PHACTR2: variants seen among roughly 807,000 people sequenced by gnomAD.
The protein encoded by PHACTR2 is phosphatase and actin regulator 2.
Under a neutral mutation model 76.0 loss-of-function variants are expected in PHACTR2, and 30 were observed. The ratio of observed to expected loss-of-function variants is 0.39; its 90% CI spans 0.30 to 0.54. The LOEUF (loss-of-function observed/expected upper bound fraction) is 0.54. Ranked by LOEUF, PHACTR2 falls within the 20% of genes least tolerant of loss-of-function variation. PHACTR2 has a pLI of 0.61. For missense variants in PHACTR2, 696 were observed against 781.1 expected, an observed-to-expected ratio of 0.89 and a Z score of 1.30; for synonymous variants, 292 against 292.5, an observed-to-expected ratio of 1.00 and a Z score of 0.02.
At chr6:143,563,400 G>A (rs9496669) in intron 1 of PHACTR2, among the ~76,000 whole-genome samples, 1 of 60,314 alleles carries the variant, frequency 1.7e-5, no homozygotes, top group Non-Finnish European at 4.4e-5. Context: ...GCATCTCTAC[G>A]AAAAATTAAG....
intron 11 of PHACTR2, among the ~76,000 whole-genome samples, chr6:143,798,919 T>C (rs1022577181): frequency 6.6e-6 from 1 of 152,166 alleles, no homozygotes; most frequent in East Asian, 1.9e-4. Flanking sequence ...TTAGGGAGGA[T>C]TCCCTCTTTT....
intron 2 of PHACTR2, among the ~76,000 whole-genome samples, chr6:143,726,443 C>T (rs185796069): frequency 6.6e-6 from 1 of 152,244 alleles, no homozygotes; most frequent in Non-Finnish European, 1.5e-5. Flanking sequence ...TTTTTGCCCC[C>T]CCAGTAACCC....
rs540359449 is a variant in PHACTR2 at position 143,720,970 on chromosome 6, T to C, written c.214+8787T>C. ...ATGGCTCCTAACAAATTATGGAACT[T>C]CATTCTATACAATTTTACCAGAAGA... On this transcript the variant is annotated intron_variant, in intron 2 of 12. Transcript: ENST00000440869. Among the ~76,000 whole-genome samples, 3 of 152,318 alleles carry C rather than the reference T, an allele frequency of 2.0e-5. No homozygotes were observed. The South Asian group carries it at 6.2e-4, about 32-fold the overall frequency.
chr6:143,603,257 T>C (rs138482381), upstream of PHACTR2, among the ~76,000 whole-genome samples: 575 of 152,154 alleles, frequency 3.8e-3, no homozygotes, highest in African/African-American at 0.014. Flanking sequence ...ATGACACTTG[T>C]TCAAGCACGG....
rs966390548 is a variant in PHACTR2 at position 143,611,169 on chromosome 6, T to C, written c.13+2847T>C. 1.3e-5 allele frequency among the ~76,000 whole-genome samples: 2 copies of C among 150,978 alleles called. No individual in the cohort carries two copies. The highest frequency in any genetic ancestry group is 2.9e-5 in the Non-Finnish European group (2 of 67,876). ...GCAGAGTACTGTTAAAAAAAAAAAG[T>C]TCTGCAGAATTTATTGTGTTGGGTT... On this transcript the variant is annotated intron_variant, in intron 1 of 11. Coordinates refer to the PHACTR2 transcript ENST00000305766. This position sits in a 1 kb window ranked among gnomAD's most constrained non-coding sequence, Gnocchi z 4.4.
At position 143,755,374 on chromosome 6, in the gene PHACTR2, C is replaced by T. The variant is rs563651778; in HGVS notation, c.454+1462C>T. 37 of 456,014 alleles carry T rather than the reference C, an allele frequency of 8.1e-5. No individual in the cohort carries two copies. The Admixed American group carries it at 8.7e-4, about 11-fold the overall frequency. 28.2% of individuals were successfully genotyped at this position (456,014 alleles called of 1,614,324 possible). ...TCTCACATCCAAGAATCGCATCCTG[C>T]ATTACGTAACAGTGCCATCTCTGGT... On this transcript the variant is annotated intron_variant, in intron 4 of 12. Transcript: ENST00000440869. The surrounding 1 kb of genome is among the most constrained non-coding windows in gnomAD (Gnocchi z 5.2).
chr6:143,615,079 A>G (rs772702272), intron 1 of PHACTR2, among the ~76,000 whole-genome samples: 2 of 152,208 alleles, frequency 1.3e-5, no homozygotes, highest in South Asian at 2.1e-4. Flanking sequence ...TGTCCTAGGC[A>G]TCAAGTTAGG....
Position 143,611,299 on chromosome 6 carries a change from C to T in PHACTR2, c.13+2977C>T, listed in dbSNP as rs980396927. Among the ~76,000 whole-genome samples, 1 of 152,246 alleles carries T rather than the reference C, an allele frequency of 6.6e-6. No individual in the cohort carries two copies. The highest frequency in any genetic ancestry group is 1.9e-4 in the East Asian group (1 of 5,188). ...CTGCTGAGAGCCCCTGCGCCTTCAC[C>T]GTGCATTCTAGCTCAGTGGTTCAAA... On this transcript the variant is annotated intron_variant, in intron 1 of 11. Coordinates refer to the PHACTR2 transcript ENST00000305766. The surrounding 1 kb of genome is among the most constrained non-coding windows in gnomAD (Gnocchi z 4.4).
intron 1 of PHACTR2, among the ~76,000 whole-genome samples, chr6:143,603,145 C>CA (rs751947717): frequency 0.14 from 11,197 of 78,592 alleles, 984 homozygotes; most frequent in South Asian, 0.23. Context: ...GACTCTGTCT[C>CA]AAAAAAAAAA....
In PHACTR2 at chr6:143,558,978, T is replaced by C. The variant is rs965249295; in HGVS notation, c.217+21771T>C. Among the ~76,000 whole-genome samples, 1 of 152,026 alleles carries C rather than the reference T, an allele frequency of 6.6e-6. No homozygotes were observed. Among genetic ancestry groups the C allele is most frequent in the Admixed American group, 6.6e-5 (1 of 15,260 alleles). Reference sequence around the variant, plus strand: ...ATCTGTTACAAGTGCACTGAAAGGGTCTCTCCAGACACTTGACAATCAGAA... The same window carrying C: ...ATCTGTTACAAGTGCACTGAAAGGGCCTCTCCAGACACTTGACAATCAGAA... On this transcript the variant is annotated intron_variant, in intron 1 of 11. Transcript: ENST00000367584. The surrounding 1 kb of genome is among the most constrained non-coding windows in gnomAD (Gnocchi z 4.7).
chr6:143,642,518 G>A (rs1776584870), intron 1 of PHACTR2, among the ~76,000 whole-genome samples: 1 of 152,152 alleles, frequency 6.6e-6, no homozygotes, highest in Admixed American at 6.6e-5. Context: ...ATTGAGCCGT[G>A]TCCCTACAGC....
chr6:143,720,264 A>G (rs900542039), intron 2 of PHACTR2, among the ~76,000 whole-genome samples: 1 of 152,214 alleles, frequency 6.6e-6, no homozygotes, highest in African/African-American at 2.4e-5. Flanking sequence ...CCTTCTTGCA[A>G]AAACTTGCAT....
In PHACTR2 at chr6:143,581,206, C is replaced by T. The variant is rs1775568294; in HGVS notation, c.217+43999C>T. ...CCTTGTTCTCAAGTCTCCGTGTGGA[C>T]AGGGGATGAGGGTTACCTGGTTTCT... On this transcript the variant is annotated intron_variant, in intron 1 of 11. Coordinates refer to the PHACTR2 transcript ENST00000367584. This position sits in a 1 kb window ranked among gnomAD's most constrained non-coding sequence, Gnocchi z 4.5. Among the ~76,000 whole-genome samples, 1 of 152,166 alleles carries T rather than the reference C, an allele frequency of 6.6e-6. No individual in the cohort carries two copies. The highest frequency in any genetic ancestry group is 1.5e-5 in the Non-Finnish European group (1 of 68,026).
intron 11 of PHACTR2, among the ~76,000 whole-genome samples, chr6:143,790,321 A>C (rs1216813761): frequency 6.6e-6 from 1 of 152,132 alleles, no homozygotes; most frequent in African/African-American, 2.4e-5. Context: ...AGGGGTCAAA[A>C]GAAAGGGAGA....
At chr6:143,814,087 G>GGCT (rs746057746) in intron 12 of PHACTR2, among the ~76,000 whole-genome samples, 3 of 152,214 alleles carry the variant, frequency 2.0e-5, no homozygotes, top group Non-Finnish European at 4.4e-5. Context: ...CAGGCACAGT[G>GGCT]GCTCATGCCT....
intron 1 of PHACTR2, among the ~76,000 whole-genome samples, chr6:143,560,322 T>C (rs941186201): frequency 2.0e-5 from 3 of 152,222 alleles, no homozygotes; most frequent in Admixed American, 6.5e-5. Context: ...ATCTAATCAG[T>C]CAATTCATTG....
At chr6:143,622,032 G>T (rs1373803343) in intron 1 of PHACTR2, among the ~76,000 whole-genome samples, 1 of 152,066 alleles carries the variant, frequency 6.6e-6, no homozygotes, top group African/African-American at 2.4e-5. Flanking sequence ...CAAAATGATA[G>T]TACACAGACC....
At chr6:143,707,891 T>C (rs1266193240) in intron 1 of PHACTR2, among the ~76,000 whole-genome samples, 1 of 152,130 alleles carries the variant, frequency 6.6e-6, no homozygotes, top group Non-Finnish European at 1.5e-5. Context: ...AGCAAGCTTG[T>C]CTTATATGGC....
At position 143,633,052 on chromosome 6, in the gene PHACTR2, T is replaced by C. The variant is rs527538448; in HGVS notation, c.13+24730T>C. ...ACTTTCAAGTTTTGTCAATTATGAA[T>C]GAAGCTGCTATAAACATCTGTGTGC... On this transcript the variant is annotated intron_variant, in intron 1 of 11. Transcript: ENST00000305766. The surrounding 1 kb of genome is among the most constrained non-coding windows in gnomAD (Gnocchi z 4.1). 6.6e-6 allele frequency among the ~76,000 whole-genome samples: 1 copy of C among 152,380 alleles called. No homozygotes were observed. The highest frequency in any genetic ancestry group is 2.4e-5 in the African/African-American group (1 of 41,598).
Sources: allele counts gnomAD v4.1 joint callset (sites outside exome capture counted in the v4.1 genomes callset), GRCh38; gene constraint gnomAD v4.1.1; non-coding constraint Gnocchi (gnomAD v3.1); transcripts MANE v1.5; gene names NCBI Gene and HGNC (gene_info 2026-07-23, HGNC 2026-07-21).